The following MAP4 variants were observed in gnomAD, a reference collection of about 807,000 sequenced individuals.
The protein encoded by MAP4 is microtubule associated protein 4.
A neutral mutation model predicts 170.2 loss-of-function variants in MAP4; 76 were observed. That is an observed-to-expected ratio of 0.45 (90% CI 0.37 to 0.54). The LOEUF (loss-of-function observed/expected upper bound fraction) is 0.54. Ranked by LOEUF, MAP4 falls within the 20% of genes least tolerant of loss-of-function variation. MAP4 has a pLI of 0.00. For synonymous variants in MAP4, 909 were observed against 994.5 expected, an observed-to-expected ratio of 0.91 and a Z score of 1.62; for missense variants, 2,506 against 2,748.0, an observed-to-expected ratio of 0.91 and a Z score of 1.97.
rs1470813643 is a variant in MAP4, at chr3:47,911,268, T to C, written c.3153A>G (p.Pro1051=). The change falls in exon 9 of 21, where the codon CCA becomes CCG. Residue 1051 remains proline, a synonymous_variant. Transcript: ENST00000683076. This position sits in a 1 kb window ranked among gnomAD's most constrained non-coding sequence, Gnocchi z 4.0. The stretch of plus-strand genomic sequence containing the variant: ...TGCCATCACCTGCCATTCTCTTAAA[T>C]GGTTCATTCTCTACCCCAGGGACCT... ...LVQVPGVENE[P]FKRMAGDGKS... 3.9e-6 allele frequency: 6 copies of C among 1,536,046 alleles called. No homozygotes were observed. Among genetic ancestry groups the C allele is most frequent in the Non-Finnish European group, 5.2e-6 (6 of 1,146,938 alleles).
intron 3 of MAP4, among the ~76,000 whole-genome samples, chr3:47,967,479 C>T (rs1482481849): frequency 1.3e-5 from 2 of 152,146 alleles, no homozygotes; most frequent in Non-Finnish European, 2.9e-5. Flanking sequence ...TGGTAAAATG[C>T]TGTTTCTACT....
At chr3:48,040,186 C>T (rs1477350905) in intron 1 of MAP4, among the ~76,000 whole-genome samples, 1 of 152,210 alleles carries the variant, frequency 6.6e-6, no homozygotes, top group Non-Finnish European at 1.5e-5. Context: ...GAACATTCTA[C>T]AATCCACGCT....
Position 47,910,657 on chromosome 3 carries a change from T to C in MAP4, c.3764A>G (p.His1255Arg), listed in dbSNP as rs752479384. ...AGTAAATCCTATTTCCTTGCTTTTA[T>C]GGGGAATACTACCAGTATCTCCATC... is the stretch of plus-strand genomic sequence containing the variant. ...GKDGDTGSIP[H>R]KSKEIGFTFP... Residue 1255 changes from histidine (H) to arginine (R), a missense_variant, in exon 9 of 21, where the codon CAT (histidine) becomes CGT (arginine). Coordinates refer to ENST00000683076, the MANE Select transcript of MAP4 (RefSeq NM_001385682.1). The C allele has an allele frequency of 1.2e-5, 18 of 1,536,174 alleles. No homozygotes were observed. The South Asian group carries it at 1.8e-4, about 15-fold the overall frequency.
intron 4 of MAP4, among the ~76,000 whole-genome samples, chr3:47,925,601 T>C (rs1192749741): frequency 6.6e-6 from 1 of 152,156 alleles, no homozygotes; most frequent in Non-Finnish European, 1.5e-5. Context: ...CAAAACAGTA[T>C]GCTAAGTGAA....
At chr3:48,035,308 A>G (rs1179703771) in intron 1 of MAP4, among the ~76,000 whole-genome samples, 2 of 147,896 alleles carry the variant, frequency 1.4e-5, no homozygotes, top group Non-Finnish European at 3.0e-5. Flanking sequence ...AGAAAAAGGA[A>G]AAAAAAAAAA....
chr3:47,856,134 G>GT (rs2055840136), intron 18 of MAP4, among the ~76,000 whole-genome samples: 1 of 152,188 alleles, frequency 6.6e-6, no homozygotes, highest in Non-Finnish European at 1.5e-5. Context: ...CCCTCAATGA[G>GT]TACCCAGCCC....
At chr3:48,009,733 G>C (rs1304595260) in intron 1 of MAP4, among the ~76,000 whole-genome samples, 1 of 152,140 alleles carries the variant, frequency 6.6e-6, no homozygotes, top group Non-Finnish European at 1.5e-5. Context: ...TCGAGGGGTG[G>C]AACTGGAAGT....
Position 47,987,298 on chromosome 3 carries a change from T to A in MAP4, c.224-9365A>T, listed in dbSNP as rs891639862. The A allele has an allele frequency of 4.7e-5, 45 of 952,648 alleles. 1 individual carries two copies. In the Admixed American group the frequency reaches 1.2e-3, roughly 26 times the overall value. The allele number at this position is 952,648 out of a possible 1,614,324, so 59.0% of individuals were successfully genotyped here. A position where few individuals can be genotyped will look rare whatever the true frequency, so the allele number is the denominator to read the frequency against. On this transcript the variant is annotated intron_variant, in intron 2 of 20. Transcript: ENST00000683076. ...TTATTCCTGTGCTAGAGCATGTTAA[T>A]AAGTGTAAGATAACAAATAGCTTAA... is the stretch of plus-strand genomic sequence containing the variant.
intron 9 of MAP4, among the ~76,000 whole-genome samples, chr3:47,903,740 TACTTCTAA>T (rs1261776823): frequency 2.0e-5 from 3 of 152,204 alleles, no homozygotes; most frequent in Non-Finnish European, 4.4e-5. Context: ...TCACTTTCCC[TACTTCTAA>T]ACAGGGTAAG....
At chr3:48,051,426 AC>A (rs1391304203) in intron 1 of MAP4, among the ~76,000 whole-genome samples, 2 of 152,056 alleles carry the variant, frequency 1.3e-5, no homozygotes, top group Non-Finnish European at 2.9e-5. Flanking sequence ...ACACACTCAG[AC>A]CCACATATCC....
rs1230017941 is a variant in MAP4 at position 47,912,193 on chromosome 3, A to G, written c.2228T>C (p.Ile743Thr). 1.2e-5 allele frequency: 18 copies of G among 1,536,014 alleles called. No individual in the cohort carries two copies. Among genetic ancestry groups the G allele is most frequent in the Non-Finnish European group, 1.5e-5 (17 of 1,146,918 alleles). ...CGGPGNQRKS[I>T]HVDSLEPQRD... Reference sequence around the variant, plus strand: ...CTGGGGTTCAAGTGAGTCAACATGAATACTTTTTCTTTGGTTCCCAGGCCC... The same window carrying G: ...CTGGGGTTCAAGTGAGTCAACATGAGTACTTTTTCTTTGGTTCCCAGGCCC... The change falls in exon 9 of 21, where the codon ATT becomes ACT. Residue 743 changes from isoleucine to threonine, a missense_variant. Around this residue, in one of 3 missense-constraint regions of MAP4, gnomAD observed 2,008 missense variants for 2,206.0 expected, o/e 0.91. Transcript: ENST00000683076.
chr3:47,881,066 G>A (rs554663942), intron 10 of MAP4, among the ~76,000 whole-genome samples: 1 of 152,164 alleles, frequency 6.6e-6, no homozygotes, highest in South Asian at 2.1e-4. Context: ...TTTTTGGTGT[G>A]TATACATTTA....
chr3:47,931,583 A>G (rs1169744523), intron 3 of MAP4, among the ~76,000 whole-genome samples: 1 of 150,288 alleles, frequency 6.7e-6, no homozygotes. Context: ...AGCTCAAGCA[A>G]TCCTCTCACC....
intron 10 of MAP4, among the ~76,000 whole-genome samples, chr3:47,882,599 T>C (rs934424559): frequency 1.3e-5 from 2 of 152,150 alleles, no homozygotes; most frequent in Non-Finnish European, 2.9e-5. Flanking sequence ...CTGGTATCAA[T>C]GTTCTACTAC....
intron 1 of MAP4, among the ~76,000 whole-genome samples, chr3:48,029,235 C>T (rs2100114693): frequency 1.3e-5 from 2 of 152,086 alleles, no homozygotes; most frequent in East Asian, 1.9e-4. Flanking sequence ...GTCAGGAGTT[C>T]AAGACCAGCC....
intron 1 of MAP4, among the ~76,000 whole-genome samples, chr3:48,002,979 A>AATT (rs1559772693): frequency 2.0e-5 from 3 of 150,836 alleles, no homozygotes; most frequent in African/African-American, 7.3e-5. Flanking sequence ...ATAAATAAAT[A>AATT]AATAAATAAA....
chr3:47,882,263 G>A (rs1253099539), intron 10 of MAP4, among the ~76,000 whole-genome samples: 3 of 152,122 alleles, frequency 2.0e-5, no homozygotes, highest in African/African-American at 7.2e-5. Context: ...TGGGTGACAA[G>A]AGTGAAACTC....
chr3:47,865,303 T>A (rs1264763046), intron 17 of MAP4, among the ~76,000 whole-genome samples: 1 of 152,222 alleles, frequency 6.6e-6, no homozygotes, highest in East Asian at 1.9e-4. Flanking sequence ...AGAACCCCTG[T>A]TCACCTTCTG....
At chr3:47,891,561 G>C in intron 10 of MAP4, 2 of 1,530,694 alleles carry the variant, frequency 1.3e-6, no homozygotes, top group Non-Finnish European at 1.7e-6. Flanking sequence ...TTGACAGCTG[G>C]GGGAACTGAG....
Sources: gnomAD v4.1 joint callset for allele counts (sites outside exome capture counted in the v4.1 genomes callset) on GRCh38, gnomAD v4.1.1 for gene constraint, gnomAD v4.1.1 regional missense constraint, Gnocchi (gnomAD v3.1) non-coding constraint, MANE v1.5 for transcripts, NCBI Gene and HGNC (gene_info 2026-07-23, HGNC 2026-07-21) for gene names.